The following CORO2A variants were observed in gnomAD, a reference collection of about 807,000 sequenced individuals.
CORO2A encodes the protein coronin 2A.
A neutral mutation model predicts 62.4 loss-of-function variants in CORO2A; 47 were observed. That is an observed-to-expected ratio of 0.75 (90% CI 0.60 to 0.96). The LOEUF (loss-of-function observed/expected upper bound fraction) is 0.96. Ranked by LOEUF, CORO2A falls within the 40% of genes least tolerant of loss-of-function variation. CORO2A has a pLI of 0.00. For synonymous variants in CORO2A, 273 were observed against 268.9 expected (o/e 1.02, Z -0.15); for missense variants, 610 against 684.1 (o/e 0.89, Z 1.21).
rs555745290 is a variant in CORO2A at position 98,167,867 on chromosome 9, C to T, written c.1-10207G>A. 7.9e-5 allele frequency among the ~76,000 whole-genome samples: 12 copies of T among 152,196 alleles called. No individual in the cohort carries two copies. In the South Asian group the frequency reaches 8.3e-4, roughly 11 times the overall value. On this transcript the variant is annotated intron_variant, in intron 1 of 11. Coordinates refer to ENST00000375077, the MANE Select transcript of CORO2A (RefSeq NM_052820.4). ...TGGACAGAGGAGGAGGGAATGAGTGCGTAGAGATGAAACAGGCTGCTGATG... is the reference window on the plus strand; with the variant it reads ...TGGACAGAGGAGGAGGGAATGAGTGTGTAGAGATGAAACAGGCTGCTGATG...
At chr9:98,169,740 TAAA>T (rs979851601) in intron 1 of CORO2A, among the ~76,000 whole-genome samples, 2 of 151,930 alleles carry the variant, frequency 1.3e-5, no homozygotes, top group African/African-American at 4.8e-5. Context: ...AAAAAGAAAA[TAAA>T]AAAGCATCAT....
intron 1 of CORO2A, among the ~76,000 whole-genome samples, chr9:98,164,924 T>C (rs147525062): frequency 8.6e-4 from 124 of 143,944 alleles, no homozygotes; most frequent in African/African-American, 3.2e-3. Flanking sequence ...CAGGGATAAG[T>C]TGGTCACTCT....
chr9:98,126,044 T>G (rs1827313131), intron 11 of CORO2A, among the ~76,000 whole-genome samples: 1 of 143,710 alleles, frequency 7.0e-6, no homozygotes, highest in Non-Finnish European at 1.5e-5. Flanking sequence ...CTTTTTTTTT[T>G]TTTTTTTTTA....
intron 10 of CORO2A, 35 bp downstream of exon 10, chr9:98,128,135 C>G: frequency 6.4e-7 from 1 of 1,560,008 alleles, no homozygotes; most frequent in Non-Finnish European, 8.8e-7. Flanking sequence ...ATGTTCCTGT[C>G]ACATTTGCCT....
intron 1 of CORO2A, among the ~76,000 whole-genome samples, chr9:98,191,425 C>G (rs1828304804): frequency 6.6e-6 from 1 of 152,214 alleles, no homozygotes; most frequent in African/African-American, 2.4e-5. Flanking sequence ...ACTGCTGGGC[C>G]TGGGGCTGCT....
chr9:98,188,648 C>T (rs1208520059), intron 1 of CORO2A, among the ~76,000 whole-genome samples: 2 of 152,134 alleles, frequency 1.3e-5, no homozygotes, highest in Non-Finnish European at 2.9e-5. Flanking sequence ...CCTGTAATCC[C>T]AGCTACTCAG....
In CORO2A at chr9:98,132,248, C is replaced by T; in HGVS notation, c.702G>A (p.Leu234=). The change falls in exon 6 of 12, where the codon CTG becomes CTA. Residue 234 remains leucine (L), a synonymous_variant. Coordinates refer to ENST00000375077, the MANE Select transcript of CORO2A (RefSeq NM_052820.4). The part of the protein sequence containing the change: ...RASKVLFLGN[L]KKLMSTGTSR... ...ATGTGCCTGTGGACATCAGCTTCTT[C>T]AGGTTCCCCAGAAACAGCACTTTGC... The T allele has an allele frequency of 6.2e-7, 1 of 1,614,188 alleles. No homozygotes were observed. The highest frequency in any genetic ancestry group is 1.1e-5 in the South Asian group (1 of 91,084).
intron 5 of CORO2A, 134 bp downstream of exon 5, chr9:98,132,904 A>G: frequency 2.0e-6 from 2 of 991,354 alleles, no homozygotes; most frequent in Non-Finnish European, 3.0e-6. Context: ...CCGAGAGGAC[A>G]GACAGGGATG....
At chr9:98,174,068 T>C (rs1170422107) in intron 1 of CORO2A, among the ~76,000 whole-genome samples, 3 of 151,654 alleles carry the variant, frequency 2.0e-5, no homozygotes, top group Admixed American at 1.3e-4. Flanking sequence ...GATTGCGCCA[T>C]TGCACTCCAG....
At chr9:98,143,123 G>A (rs562846975) in intron 2 of CORO2A, among the ~76,000 whole-genome samples, 275 of 152,282 alleles carry the variant, frequency 1.8e-3, no homozygotes, top group Middle Eastern at 6.8e-3. Flanking sequence ...TGCTCCCCTC[G>A]CAGACCCCAC....
intron 1 of CORO2A, among the ~76,000 whole-genome samples, chr9:98,177,331 T>G (rs1487209095): frequency 6.6e-6 from 1 of 152,054 alleles, no homozygotes; most frequent in East Asian, 1.9e-4. Flanking sequence ...TCTCTCCCCT[T>G]GGGAATGGGT....
At chr9:98,173,469 C>T (rs1432214795) in intron 1 of CORO2A, among the ~76,000 whole-genome samples, 2 of 152,156 alleles carry the variant, frequency 1.3e-5, no homozygotes, top group Admixed American at 1.3e-4. Flanking sequence ...GTCCAAAATC[C>T]ACGGGCTCCA....
At chr9:98,130,233 A>C (rs1322760062) in intron 7 of CORO2A, among the ~76,000 whole-genome samples, 1 of 152,108 alleles carries the variant, frequency 6.6e-6, no homozygotes, top group Non-Finnish European at 1.5e-5. Context: ...GGTGTGTGCC[A>C]CCACGCCTGG....
chr9:98,132,963 C>T, intron 5 of CORO2A, 75 bp downstream of exon 5: 2 of 1,536,386 alleles, frequency 1.3e-6, no homozygotes, highest in South Asian at 2.4e-5. Context: ...CTGTCCTGTT[C>T]TCTGAAGCCT....
chr9:98,129,725 C>A, intron 8 of CORO2A, 69 bp downstream of exon 8: 2 of 1,240,646 alleles, frequency 1.6e-6, no homozygotes, highest in South Asian at 2.4e-5. Context: ...AGCCCTGACC[C>A]TGATTCTCCC....
At chr9:98,186,571 C>G (rs1828241077) in intron 1 of CORO2A, among the ~76,000 whole-genome samples, 1 of 152,048 alleles carries the variant, frequency 6.6e-6, no homozygotes. Flanking sequence ...TGTCTGTTTT[C>G]CTGCCTTTTT....
intron 2 of CORO2A, among the ~76,000 whole-genome samples, chr9:98,151,792 C>A (rs1342690073): frequency 1.3e-5 from 2 of 150,622 alleles, no homozygotes; most frequent in African/African-American, 4.9e-5. Context: ...GGGTTACAGG[C>A]ATGCACCACC....
rs1827260935 is a variant in CORO2A, at chr9:98,122,852, G to A, written c.*1922C>T. Reference sequence around the variant, plus strand: ...AGTCAGCAGTCATGGGCACAGTTCTGAAGTCTGCGTCCCTCCATAAGGGAC... The same window carrying A: ...AGTCAGCAGTCATGGGCACAGTTCTAAAGTCTGCGTCCCTCCATAAGGGAC... On this transcript the variant is annotated 3_prime_UTR_variant, in exon 12 of 12. Transcript: ENST00000375077. 1 of 152,292 alleles carries A rather than the reference G, an allele frequency of 6.6e-6. No individual in the cohort carries two copies. Among genetic ancestry groups the A allele is most frequent in the Non-Finnish European group, 1.5e-5 (1 of 68,108 alleles). 9.4% of individuals were successfully genotyped at this position (152,292 alleles called of 1,614,324 possible). A position where few individuals can be genotyped will look rare whatever the true frequency, so the allele number is the denominator to read the frequency against.
chr9:98,138,140 G>A (rs1459796263), intron 2 of CORO2A, among the ~76,000 whole-genome samples: 2 of 152,136 alleles, frequency 1.3e-5, no homozygotes, highest in African/African-American at 4.8e-5. Context: ...AGATAAGTCC[G>A]CAAGAAACTG....
Sources: gnomAD v4.1 joint callset for allele counts (sites outside exome capture counted in the v4.1 genomes callset) on GRCh38, gnomAD v4.1.1 for gene constraint, MANE v1.5 for transcripts, NCBI Gene and HGNC (gene_info 2026-07-23, HGNC 2026-07-21) for gene names.